The following DNER variants were observed in gnomAD, a reference collection of about 807,000 sequenced individuals.
The protein encoded by DNER is delta/notch like EGF repeat containing, also known as delta and Notch-like epidermal growth factor-related receptor.
DNER carries 33 observed loss-of-function variants against 78.2 expected under a neutral mutation model. The ratio of observed to expected loss-of-function variants is 0.42; its 90% CI spans 0.32 to 0.56. The LOEUF (loss-of-function observed/expected upper bound fraction) is 0.56. Ranked by LOEUF, DNER falls within the 20% of genes least tolerant of loss-of-function variation. DNER has a pLI of 0.11. For synonymous variants in DNER, 417 were observed against 384.8 expected, an observed-to-expected ratio of 1.08 and a Z score of -0.98; for missense variants, 918 against 975.3, an observed-to-expected ratio of 0.94 and a Z score of 0.78.
chr2:229,430,723 C>T (rs1335740131), intron 8 of DNER, among the ~76,000 whole-genome samples: 6 of 143,952 alleles, frequency 4.2e-5, no homozygotes, highest in Non-Finnish European at 7.7e-5. Flanking sequence ...TAATTCTGTC[C>T]CTGTAGAGAA....
chr2:229,686,230 G>T (rs1316403579), intron 1 of DNER, among the ~76,000 whole-genome samples: 1 of 152,102 alleles, frequency 6.6e-6, no homozygotes. Context: ...CCATGTCTAT[G>T]GGATGGTGCC....
At chr2:229,447,114 T>C (rs1166701807) in intron 8 of DNER, among the ~76,000 whole-genome samples, 2 of 152,196 alleles carry the variant, frequency 1.3e-5, no homozygotes, top group Admixed American at 6.5e-5. Context: ...AGAGTAAATC[T>C]AAAAAAGAAA....
chr2:229,511,067 G>A (rs1695856150), intron 6 of DNER, among the ~76,000 whole-genome samples: 1 of 152,134 alleles, frequency 6.6e-6, no homozygotes, highest in African/African-American at 2.4e-5. Context: ...TAAAGTTTAG[G>A]TGGGAATAGA....
intron 12 of DNER, among the ~76,000 whole-genome samples, chr2:229,364,780 C>T (rs894641076): frequency 2.7e-5 from 4 of 149,426 alleles, no homozygotes; most frequent in Admixed American, 6.7e-5. Context: ...GCAAACTCTT[C>T]GAACCTCTTA....
At chr2:229,666,950 T>C (rs1699101956) in intron 1 of DNER, among the ~76,000 whole-genome samples, 1 of 152,180 alleles carries the variant, frequency 6.6e-6, no homozygotes, top group African/African-American at 2.4e-5. Context: ...AACCAAATCC[T>C]GTCCCTCTGC....
chr2:229,431,123 A>T (rs1024574240), intron 8 of DNER, among the ~76,000 whole-genome samples: 1 of 152,238 alleles, frequency 6.6e-6, no homozygotes, highest in Non-Finnish European at 1.5e-5. Flanking sequence ...AGTGTAAATC[A>T]TAATTAATTT....
chr2:229,584,893 CAAAAAAAAAA>C (rs112680143), intron 4 of DNER, among the ~76,000 whole-genome samples: 7 of 60,832 alleles, frequency 1.2e-4, no homozygotes, highest in Admixed American at 5.7e-4. Flanking sequence ...GAGATCGTCC[CAAAAAAAAAA>C]AAAAAAAAGA....
intron 1 of DNER, among the ~76,000 whole-genome samples, chr2:229,638,446 A>G (rs575028108): frequency 1.6e-4 from 24 of 152,348 alleles, no homozygotes; most frequent in South Asian, 4.1e-4. Flanking sequence ...TGCCAAAGCA[A>G]TTTATGGGGA....
intron 1 of DNER, among the ~76,000 whole-genome samples, chr2:229,696,702 G>T (rs1248869129): frequency 6.6e-6 from 1 of 152,210 alleles, no homozygotes; most frequent in African/African-American, 2.4e-5. Flanking sequence ...TGGGAGGGAG[G>T]TACAGGAGGC....
chr2:229,390,796 TG>T (rs1692997575), intron 10 of DNER, among the ~76,000 whole-genome samples: 1 of 152,266 alleles, frequency 6.6e-6, no homozygotes, highest in Non-Finnish European at 1.5e-5. Flanking sequence ...ATATGTGCTC[TG>T]GCAGAACCCT....
chr2:229,693,710 G>C (rs1031059722), intron 1 of DNER, among the ~76,000 whole-genome samples: 5 of 152,182 alleles, frequency 3.3e-5, no homozygotes, highest in African/African-American at 1.2e-4. Flanking sequence ...GAACCTGAGA[G>C]AGATGATTTA....
At chr2:229,666,952 T>C (rs1196838663) in intron 1 of DNER, among the ~76,000 whole-genome samples, 1 of 152,012 alleles carries the variant, frequency 6.6e-6, no homozygotes, top group East Asian at 1.9e-4. Context: ...CCAAATCCTG[T>C]CCCTCTGCAG....
At chr2:229,407,459 G>T (rs778631490) in intron 9 of DNER, 114 bp from the exon 10 acceptor site, 47 of 823,824 alleles carry the variant, frequency 5.7e-5, no homozygotes, top group Non-Finnish European at 5.9e-5. Context: ...CCCAGCGTGG[G>T]TGTGTGTGGG....
At chr2:229,405,670 C>G (rs1439011772) in intron 10 of DNER, among the ~76,000 whole-genome samples, 1 of 151,956 alleles carries the variant, frequency 6.6e-6, no homozygotes, top group African/African-American at 2.4e-5. Flanking sequence ...GGTATGACTC[C>G]TTTTATATTC....
intron 1 of DNER, among the ~76,000 whole-genome samples, chr2:229,664,631 C>A (rs1484891515): frequency 1.3e-5 from 2 of 152,160 alleles, no homozygotes; most frequent in Non-Finnish European, 2.9e-5. Context: ...TTATGCTCAT[C>A]CCCATTCCCT....
At chr2:229,565,699 T>C (rs1470036532) in intron 4 of DNER, among the ~76,000 whole-genome samples, 3 of 152,224 alleles carry the variant, frequency 2.0e-5, no homozygotes, top group Non-Finnish European at 4.4e-5. Context: ...AAATATTTTC[T>C]TATTGCCTGT....
At chr2:229,358,754 G>A (rs1294129329) in intron 12 of DNER, 103 bp from the exon 13 acceptor site, 7 of 920,788 alleles carry the variant, frequency 7.6e-6, no homozygotes, top group Non-Finnish European at 1.1e-5. Context: ...AAATGAAACT[G>A]TAAAAACATA....
intron 1 of DNER, among the ~76,000 whole-genome samples, chr2:229,608,195 A>G (rs1697976859): frequency 6.6e-6 from 1 of 152,138 alleles, no homozygotes; most frequent in Admixed American, 6.5e-5. Flanking sequence ...TAAAAATACG[A>G]CCTCAAAACT....
At chr2:229,620,182 C>T (rs72991646) in intron 1 of DNER, among the ~76,000 whole-genome samples, 3,353 of 152,010 alleles carry the variant, frequency 0.022, 50 homozygotes, top group Middle Eastern at 0.034. Context: ...CCTCCTGGGC[C>T]GGAATGTGAT....
Sources: allele counts gnomAD v4.1 joint callset (sites outside exome capture counted in the v4.1 genomes callset), GRCh38; gene constraint gnomAD v4.1.1; transcripts MANE v1.5; gene names NCBI Gene and HGNC (gene_info 2026-07-23, HGNC 2026-07-21).